The following RAB3GAP1 variants were observed in gnomAD, a reference collection of about 807,000 sequenced individuals.
RAB3GAP1 encodes the protein RAB3 GTPase activating protein catalytic subunit 1.
In RAB3GAP1, 86 loss-of-function variants were observed where a neutral mutation model predicts 130.7. That is an observed-to-expected ratio of 0.66 (90% CI 0.55 to 0.79). RAB3GAP1 has a LOEUF of 0.79. Among genes scored for constraint, RAB3GAP1 ranks in the 30% least tolerant of loss-of-function variants. The pLI is 0.00. For missense variants in RAB3GAP1, 1,029 were observed against 1,169.4 expected, an observed-to-expected ratio of 0.88 and a Z score of 1.75; for synonymous variants, 367 against 401.7, an observed-to-expected ratio of 0.91 and a Z score of 1.03.
At chr2:135,140,684 TA>T (rs1691813751) in intron 17 of RAB3GAP1, among the ~76,000 whole-genome samples, 3 of 152,356 alleles carry the variant, frequency 2.0e-5, no homozygotes, top group South Asian at 2.1e-4. Flanking sequence ...CAGTGGGAGT[TA>T]TCAGTAGGGG....
chr2:135,146,199 C>CTTTTTTTTTTT (rs1173567563), intron 17 of RAB3GAP1, among the ~76,000 whole-genome samples: 11 of 96,554 alleles, frequency 1.1e-4, no homozygotes, highest in African/African-American at 1.6e-4. Flanking sequence ...CATATTTGTT[C>CTTTTTTTTTTT]TTTTTTTTTT....
chr2:135,134,053 AT>A lies in RAB3GAP1; in HGVS notation c.1499+22del. 1 of 1,612,910 alleles carries A rather than the reference AT, an allele frequency of 6.2e-7. No individual in the cohort carries two copies. The highest frequency in any genetic ancestry group is 1.1e-5 in the South Asian group (1 of 91,066). ...TCCAGGGTAATAATTTCAATTTTCA[AT>A]TGTTTGGATACGATTTTGTTTGTTA... On this transcript the variant is annotated intron_variant, in intron 15 of 23. Coordinates refer to ENST00000264158, the MANE Select transcript of RAB3GAP1 (RefSeq NM_012233.3).
At chr2:135,081,212 C>A (rs1259889119) in intron 3 of RAB3GAP1, among the ~76,000 whole-genome samples, 1 of 145,910 alleles carries the variant, frequency 6.9e-6, no homozygotes, top group Non-Finnish European at 1.5e-5. Flanking sequence ...GAGGCTGAGG[C>A]AGGAGAATGG....
intron 17 of RAB3GAP1, among the ~76,000 whole-genome samples, chr2:135,140,177 G>A (rs1034473974): frequency 6.6e-6 from 1 of 152,126 alleles, no homozygotes; most frequent in Non-Finnish European, 1.5e-5. Context: ...TTCACTTTGG[G>A]CTAATATGAA....
chr2:135,067,919 C>T (rs1689366349), intron 3 of RAB3GAP1, among the ~76,000 whole-genome samples: 1 of 151,700 alleles, frequency 6.6e-6, no homozygotes, highest in Non-Finnish European at 1.5e-5. Flanking sequence ...ATTTTTTTTT[C>T]TGTAGAAATA....
chr2:135,093,484 C>T (rs1386696027), intron 4 of RAB3GAP1, 131 bp from the exon 5 acceptor site: 14 of 707,282 alleles, frequency 2.0e-5, no homozygotes, highest in East Asian at 2.7e-5. Flanking sequence ...CAAGAGCTAT[C>T]TTTAGATATG....
At chr2:135,079,944 T>C (rs994205596) in intron 3 of RAB3GAP1, among the ~76,000 whole-genome samples, 1 of 151,988 alleles carries the variant, frequency 6.6e-6, no homozygotes, top group African/African-American at 2.4e-5. Flanking sequence ...GGTGAAACCC[T>C]GTCTCTACTA....
chr2:135,124,116 C>T, intron 8 of RAB3GAP1, 49 bp from the exon 9 acceptor site: 3 of 1,533,036 alleles, frequency 2.0e-6, no homozygotes, highest in Non-Finnish European at 2.7e-6. Flanking sequence ...CTAGATTAGA[C>T]TCTTCTTTAT....
At chr2:135,091,680 A>G (rs1690145220) in intron 4 of RAB3GAP1, among the ~76,000 whole-genome samples, 1 of 152,140 alleles carries the variant, frequency 6.6e-6, no homozygotes, top group African/African-American at 2.4e-5. Context: ...CTCAGTTGTA[A>G]AATGAAGTAA....
chr2:135,141,228 C>CTTCTTTT (rs767817881), intron 17 of RAB3GAP1, among the ~76,000 whole-genome samples: 21 of 132,448 alleles, frequency 1.6e-4, no homozygotes, highest in African/African-American at 5.0e-4. Flanking sequence ...TCACTTACTT[C>CTTCTTTT]TTTTTTTTTT....
In RAB3GAP1 at chr2:135,057,972, T is replaced by G. The variant is rs1345313821; in HGVS notation, c.75-39T>G. The G allele has an allele frequency of 3.7e-6, 5 of 1,348,966 alleles. No homozygotes were observed. In the South Asian group the frequency reaches 5.9e-5, roughly 16 times the overall value. The allele number at this position is 1,348,966 out of a possible 1,614,324, so 83.6% of individuals were successfully genotyped here. A position where few individuals can be genotyped will look rare whatever the true frequency, so the allele number is the denominator to read the frequency against. ...AATTACATAATAATAGGAAAAAAGGTGTGCTGTTGTATTTAGAAGCTTTCT... is the reference window on the plus strand; with the variant it reads ...AATTACATAATAATAGGAAAAAAGGGGTGCTGTTGTATTTAGAAGCTTTCT... On this transcript the variant is annotated intron_variant, in intron 2 of 23. Coordinates refer to ENST00000264158, the MANE Select transcript of RAB3GAP1 (RefSeq NM_012233.3).
At chr2:135,134,220 C>G (rs1691622224) in intron 15 of RAB3GAP1, among the ~76,000 whole-genome samples, 187 bp downstream of exon 15, 1 of 151,938 alleles carries the variant, frequency 6.6e-6, no homozygotes, top group African/African-American at 2.4e-5. Context: ...AAAGGCAAAA[C>G]CTAAATATCA....
chr2:135,158,942 T>A (rs1692391964), intron 19 of RAB3GAP1, among the ~76,000 whole-genome samples: 1 of 152,136 alleles, frequency 6.6e-6, no homozygotes. Flanking sequence ...AACATTCTAT[T>A]TTAAAAAGAT....
rs1411587741 is a variant in RAB3GAP1 at position 135,169,619 on chromosome 2, C to G, written c.*838C>G. On this transcript the variant is annotated 3_prime_UTR_variant, in exon 24 of 24. Transcript: ENST00000264158. ...TTAATGAAGTAGAGAATAGCACTTG[C>G]AAAAATACAGTCTTGGTACCTAGAG... 1 of 366,430 alleles carries G rather than the reference C, an allele frequency of 2.7e-6. No homozygotes were observed. Among genetic ancestry groups the G allele is most frequent in the South Asian group, 2.1e-5 (1 of 46,734 alleles). 22.7% of individuals were successfully genotyped at this position (366,430 alleles called of 1,614,324 possible). A position where few individuals can be genotyped will look rare whatever the true frequency, so the allele number is the denominator to read the frequency against.
intron 19 of RAB3GAP1, among the ~76,000 whole-genome samples, chr2:135,155,199 C>T (rs1692276028): frequency 6.6e-6 from 1 of 151,598 alleles, no homozygotes; most frequent in African/African-American, 2.4e-5. Flanking sequence ...GAAATGAAAC[C>T]ACAACTGATT....
chr2:135,096,657 ACTT>A (rs1690306436), intron 5 of RAB3GAP1, among the ~76,000 whole-genome samples: 2 of 152,166 alleles, frequency 1.3e-5, no homozygotes, highest in African/African-American at 4.8e-5. Context: ...TTGAACACTT[ACTT>A]ACTGTTTGGC....
intron 3 of RAB3GAP1, among the ~76,000 whole-genome samples, chr2:135,079,396 C>T (rs1689722197): frequency 6.6e-6 from 1 of 152,178 alleles, no homozygotes; most frequent in Non-Finnish European, 1.5e-5. Context: ...ATGAATTCTC[C>T]TGAACTAATG....
intron 5 of RAB3GAP1, among the ~76,000 whole-genome samples, chr2:135,100,474 T>G (rs1210668871): frequency 6.6e-6 from 1 of 152,186 alleles, no homozygotes; most frequent in African/African-American, 2.4e-5. Flanking sequence ...TTATTTCAAA[T>G]TCAGCGGTGT....
intron 5 of RAB3GAP1, among the ~76,000 whole-genome samples, chr2:135,112,888 C>T (rs1052939865): frequency 1.3e-5 from 2 of 151,420 alleles, no homozygotes; most frequent in Non-Finnish European, 2.9e-5. Context: ...GCAAATATAT[C>T]TGAGCCTATT....
Sources: gnomAD v4.1 joint callset for allele counts (sites outside exome capture counted in the v4.1 genomes callset) on GRCh38, gnomAD v4.1.1 for gene constraint, MANE v1.5 for transcripts, NCBI Gene and HGNC (gene_info 2026-07-23, HGNC 2026-07-21) for gene names.